Variants in NCKAP5 observed in about 807,000 individuals in gnomAD.
NCKAP5 encodes the protein NCK associated protein 5, also known as nck-associated protein 5.
In NCKAP5, 92 loss-of-function variants were observed where a neutral mutation model predicts 167.0. The ratio of observed to expected loss-of-function variants is 0.55; its 90% CI spans 0.47 to 0.66. The LOEUF (loss-of-function observed/expected upper bound fraction) is 0.66. NCKAP5 is among the 30% of genes least tolerant of loss of function. The pLI is 0.00. For missense variants in NCKAP5, 2,378 were observed against 2,315.0 expected (o/e 1.03, Z -0.56); for synonymous variants, 891 against 877.4 (o/e 1.02, Z -0.27).
intron 16 of NCKAP5, among the ~76,000 whole-genome samples, chr2:132,763,500 T>C (rs1681186856): frequency 1.3e-5 from 2 of 152,226 alleles, no homozygotes; most frequent in African/African-American, 2.4e-5. Context: ...CTTCAAGAAC[T>C]ACAAATGCTG....
chr2:132,932,921 CTTTTTTTTTT>C (rs368871730), intron 8 of NCKAP5, among the ~76,000 whole-genome samples: 1,316 of 119,984 alleles, frequency 0.011, 29 homozygotes, highest in African/African-American at 0.044. Context: ...TTATCCTCTA[CTTTTTTTTTT>C]TTTTTTTTTT....
intron 11 of NCKAP5, among the ~76,000 whole-genome samples, chr2:132,833,340 T>C (rs1051436349): frequency 1.3e-5 from 2 of 152,224 alleles, no homozygotes; most frequent in African/African-American, 4.8e-5. Flanking sequence ...CTGTCGATTA[T>C]TTCATTTGCT....
At chr2:133,416,011 A>C (rs1282251125) in intron 3 of NCKAP5, among the ~76,000 whole-genome samples, 1 of 152,226 alleles carries the variant, frequency 6.6e-6, no homozygotes. Flanking sequence ...GTCACATGGA[A>C]TAAAATATTT....
chr2:132,886,851 G>C lies in NCKAP5; in HGVS notation c.580-7935C>G, dbSNP rs879550737. Reference sequence around the variant, plus strand: ...CTCCAAAATCCAAAACTTTTTGAGAGCCAACATGAATAAAGAAATGTGCAA... The same window carrying C: ...CTCCAAAATCCAAAACTTTTTGAGACCCAACATGAATAAAGAAATGTGCAA... On this transcript the variant is annotated intron_variant, in intron 8 of 19. Coordinates refer to ENST00000409261, the MANE Select transcript of NCKAP5 (RefSeq NM_207363.3). 9.7e-4 allele frequency among the ~76,000 whole-genome samples: 148 copies of C among 152,120 alleles called. 1 individual carries two copies. Among genetic ancestry groups the C allele is most frequent in the Non-Finnish European group, 2.1e-4 (14 of 68,034 alleles).
At chr2:133,635,839 G>A in the NCKAP5 span, among the ~76,000 whole-genome samples, 1 of 152,168 alleles carries the variant, frequency 6.6e-6, no homozygotes, top group African/African-American at 2.4e-5. Context: ...AATCATGAAT[G>A]AAGTACTAAG....
chr2:133,598,672 G>A, the NCKAP5 span, among the ~76,000 whole-genome samples: 1 of 152,134 alleles, frequency 6.6e-6, no homozygotes, highest in South Asian at 2.1e-4. Context: ...GAAGAGATGG[G>A]GAGTCCCAAA....
chr2:133,126,135 C>A, intron 6 of NCKAP5, among the ~76,000 whole-genome samples: 1 of 152,190 alleles, frequency 6.6e-6, no homozygotes, highest in East Asian at 1.9e-4. Context: ...AATCACTCAT[C>A]CTGACACCTG....
At chr2:133,533,808 C>G (rs925205412) in intron 2 of NCKAP5, among the ~76,000 whole-genome samples, 6 of 152,032 alleles carry the variant, frequency 3.9e-5, no homozygotes, top group African/African-American at 1.5e-4. Flanking sequence ...TATGACATTG[C>G]AGCCCAGAAA....
chr2:132,927,771 G>A (rs1291191739), intron 8 of NCKAP5, among the ~76,000 whole-genome samples: 1 of 152,002 alleles, frequency 6.6e-6, no homozygotes, highest in Non-Finnish European at 1.5e-5. Flanking sequence ...AGTTTTTGGA[G>A]ACATCGTTAG....
At chr2:132,698,360 A>G (rs1687542966) in intron 19 of NCKAP5, among the ~76,000 whole-genome samples, 1 of 152,220 alleles carries the variant, frequency 6.6e-6, no homozygotes. Flanking sequence ...TTAGAGCACA[A>G]AAGGCAGACA....
At chr2:133,474,430 C>G (rs1387009412) in intron 3 of NCKAP5, among the ~76,000 whole-genome samples, 1 of 151,948 alleles carries the variant, frequency 6.6e-6, no homozygotes, top group East Asian at 1.9e-4. Context: ...AGATATTAGT[C>G]GAAGGACATA....
intron 3 of NCKAP5, among the ~76,000 whole-genome samples, chr2:133,484,567 A>G (rs1288783737): frequency 6.6e-6 from 1 of 152,216 alleles, no homozygotes; most frequent in Admixed American, 6.5e-5. Context: ...CCCAAAATCC[A>G]AAATCCAAAA....
intron 3 of NCKAP5, among the ~76,000 whole-genome samples, chr2:133,382,344 G>A (rs1212422907): frequency 6.6e-6 from 1 of 152,010 alleles, no homozygotes; most frequent in Non-Finnish European, 1.5e-5. Flanking sequence ...CCCCTCCCTC[G>A]AATCTGTTCA....
intron 5 of NCKAP5, among the ~76,000 whole-genome samples, chr2:133,204,769 G>A (rs941035730): frequency 1.3e-5 from 2 of 152,136 alleles, no homozygotes; most frequent in African/African-American, 4.8e-5. Context: ...GCCTACTGAT[G>A]TTTTCAGACT....
At chr2:132,808,381 C>T (rs527268286) in intron 11 of NCKAP5, among the ~76,000 whole-genome samples, 1 of 125,698 alleles carries the variant, frequency 8.0e-6, no homozygotes, top group Admixed American at 8.7e-5. Flanking sequence ...ATGAATCCAT[C>T]TGGTCCTGAA....
At position 132,989,976 on chromosome 2, in the gene NCKAP5, C is replaced by A. The variant is rs2077403895; in HGVS notation, c.429+4176G>T. On this transcript the variant is annotated intron_variant, in intron 7 of 19. Coordinates refer to ENST00000409261, the MANE Select transcript of NCKAP5 (RefSeq NM_207363.3). The stretch of plus-strand genomic sequence containing the variant: ...GCTTTGCAAACTGTAAAGCACCAAG[C>A]ATTGAGTTCCATGTTCCATAAGTGC... Among the ~76,000 whole-genome samples, 3 of 152,024 alleles carry A rather than the reference C, an allele frequency of 2.0e-5. No homozygotes were observed. In the South Asian group the frequency reaches 6.2e-4, roughly 32 times the overall value.
rs954799174 is a variant in NCKAP5 at position 133,551,039 on chromosome 2, G to A, written c.-62+8011C>T. ...ATACCTAGGAATCCAACTTACAAGGGATGTGAAGGACCTCTTCAAGGAGAA... is the reference window on the plus strand; with the variant it reads ...ATACCTAGGAATCCAACTTACAAGGAATGTGAAGGACCTCTTCAAGGAGAA... On this transcript the variant is annotated intron_variant, in intron 2 of 19. Coordinates refer to ENST00000409261, the MANE Select transcript of NCKAP5 (RefSeq NM_207363.3). Among the ~76,000 whole-genome samples the A allele has an allele frequency of 1.4e-4, 21 of 151,752 alleles. 1 individual carries two copies. In the South Asian group the frequency reaches 2.3e-3, roughly 17 times the overall value.
chr2:133,029,511 C>A lies in NCKAP5; in HGVS notation c.342-35272G>T, dbSNP rs77222149. Among the ~76,000 whole-genome samples, 807 of 152,280 alleles carry A rather than the reference C, an allele frequency of 5.3e-3. 9 individuals carry two copies. Among genetic ancestry groups the A allele is most frequent in the African/African-American group, 0.018 (743 of 41,556 alleles). On this transcript the variant is annotated intron_variant, in intron 6 of 19. Coordinates refer to ENST00000409261, the MANE Select transcript of NCKAP5 (RefSeq NM_207363.3). ...AAGAAAAAGGGGTTGCTAGATAACA[C>A]CATTGTGGATCCAATCTAGCTTGTA...
intron 3 of NCKAP5, among the ~76,000 whole-genome samples, chr2:133,436,173 C>T (rs1690464319): frequency 6.6e-6 from 1 of 152,186 alleles, no homozygotes; most frequent in Non-Finnish European, 1.5e-5. Flanking sequence ...TCCTCTCTTG[C>T]CTGCATTCCA....
Sources: allele counts gnomAD v4.1 joint callset (sites outside exome capture counted in the v4.1 genomes callset), GRCh38; gene constraint gnomAD v4.1.1; transcripts MANE v1.5; gene names NCBI Gene and HGNC (gene_info 2026-07-23, HGNC 2026-07-21).